FAT3: variants seen among roughly 807,000 people sequenced by gnomAD.
The protein encoded by FAT3 is protocadherin Fat 3.
Under a neutral mutation model 310.2 loss-of-function variants are expected in FAT3, and 95 were observed. The ratio of observed to expected loss-of-function variants is 0.31; its 90% CI spans 0.26 to 0.36. The LOEUF (loss-of-function observed/expected upper bound fraction) is 0.36. Ranked by LOEUF, FAT3 falls within the 10% of genes least tolerant of loss-of-function variation. FAT3 has a pLI of 1.00. For synonymous variants in FAT3, 2,314 were observed against 2,192.9 expected (o/e 1.06, Z -1.54); for missense variants, 5,408 against 5,715.6 (o/e 0.95, Z 1.74).
intron 1 of FAT3, among the ~76,000 whole-genome samples, chr11:92,260,468 T>G (rs2134304229): frequency 6.6e-6 from 1 of 152,234 alleles, no homozygotes; most frequent in South Asian, 2.1e-4. Context: ...ATAGCTGGAC[T>G]TACATCCCTT....
At chr11:92,749,109 A>C (rs562808185) in intron 4 of FAT3, 7 of 152,286 alleles carry the variant, frequency 4.6e-5, no homozygotes, top group Admixed American at 1.3e-4. Context: ...CCTTTTTACT[A>C]TCTTGAAAGG....
At chr11:92,865,752 G>A (rs1949228631) in intron 21 of FAT3, among the ~76,000 whole-genome samples, 1 of 152,220 alleles carries the variant, frequency 6.6e-6, no homozygotes, top group South Asian at 2.1e-4. Flanking sequence ...CAGCAGTTGA[G>A]CCTGGGGCTC....
rs550199395 is a variant in FAT3 at position 92,511,553 on chromosome 11, C to T, written c.3293-13081C>T. 1.2e-4 allele frequency among the ~76,000 whole-genome samples: 18 copies of T among 152,228 alleles called. No homozygotes were observed. The South Asian group carries it at 3.7e-3, about 32-fold the overall frequency. On this transcript the variant is annotated intron_variant, in intron 2 of 27. Transcript: ENST00000525166. ...CATCATAGGATAGAGAAAAGCAAAT[C>T]AAAATGTTTCTTACTAGTGGGGAGC... is the stretch of plus-strand genomic sequence containing the variant.
intron 1 of FAT3, among the ~76,000 whole-genome samples, chr11:92,337,955 C>G (rs1057082555): frequency 1.3e-5 from 2 of 152,026 alleles, no homozygotes; most frequent in Non-Finnish European, 2.9e-5. Flanking sequence ...AGAGCCTCTT[C>G]TTTAGATTTT....
In FAT3 at chr11:92,892,909, T is replaced by G. The variant is rs1949947873; in HGVS notation, c.*1796T>G. 1 of 152,148 alleles carries G rather than the reference T, an allele frequency of 6.6e-6. No individual in the cohort carries two copies. Among genetic ancestry groups the G allele is most frequent in the Non-Finnish European group, 1.5e-5 (1 of 68,028 alleles). 9.4% of individuals were successfully genotyped at this position (152,148 alleles called of 1,614,324 possible). On this transcript the variant is annotated 3_prime_UTR_variant, in exon 28 of 28. Coordinates refer to ENST00000525166, the MANE Select transcript of FAT3 (RefSeq NM_001367949.2). ...TCCTCAAAACTGAAAGTTGACAGGT[T>G]GAGGGACTTTCCTTTTTTGCTTCAA...
chr11:92,409,234 A>G (rs930849040), intron 2 of FAT3, among the ~76,000 whole-genome samples: 3 of 151,724 alleles, frequency 2.0e-5, no homozygotes, highest in Non-Finnish European at 4.4e-5. Flanking sequence ...ACCTGAATCA[A>G]TGAAGCTTTC....
chr11:92,886,650 A>G (rs942022870), intron 24 of FAT3, among the ~76,000 whole-genome samples: 1 of 152,176 alleles, frequency 6.6e-6, no homozygotes, highest in Non-Finnish European at 1.5e-5. Flanking sequence ...AGTTCATGTA[A>G]ATGATGTAAA....
chr11:92,517,924 C>T (rs1425326684), intron 2 of FAT3, among the ~76,000 whole-genome samples: 2 of 152,116 alleles, frequency 1.3e-5, no homozygotes, highest in Non-Finnish European at 2.9e-5. Flanking sequence ...CAATGAGATA[C>T]AGTCTCACAC....
rs145484176 is a variant in FAT3, at chr11:92,478,889, T to C, written c.3293-45745T>C. On this transcript the variant is annotated intron_variant, in intron 2 of 27. Coordinates refer to ENST00000525166, the MANE Select transcript of FAT3 (RefSeq NM_001367949.2). The stretch of plus-strand genomic sequence containing the variant: ...CCTTGGCCTCCCAAAGTGCAGGGAC[T>C]ACAGGCATGAGCTACTGCGCCTGGC... 9.1e-4 allele frequency among the ~76,000 whole-genome samples: 139 copies of C among 152,164 alleles called. 1 individual carries two copies. The highest frequency in any genetic ancestry group is 3.1e-3 in the African/African-American group (128 of 41,512).
At chr11:92,419,027 G>C (rs1384820104) in intron 2 of FAT3, among the ~76,000 whole-genome samples, 1 of 152,064 alleles carries the variant, frequency 6.6e-6, no homozygotes, top group Non-Finnish European at 1.5e-5. Flanking sequence ...TTTTCAAAAG[G>C]AACTTCAGTG....
intron 4 of FAT3, among the ~76,000 whole-genome samples, chr11:92,699,005 A>G (rs1264661649): frequency 2.0e-5 from 3 of 152,194 alleles, no homozygotes; most frequent in African/African-American, 7.2e-5. Flanking sequence ...CACAGGACGG[A>G]TCTATAGCAG....
intron 2 of FAT3, among the ~76,000 whole-genome samples, chr11:92,516,182 C>G (rs941042447): frequency 1.3e-5 from 2 of 151,840 alleles, no homozygotes; most frequent in Non-Finnish European, 2.9e-5. Flanking sequence ...AGAGACACAA[C>G]AAAAAAAGAA....
At chr11:92,813,007 C>CAAA (rs1257919572) in intron 13 of FAT3, among the ~76,000 whole-genome samples, 19 of 152,080 alleles carry the variant, frequency 1.2e-4, no homozygotes, top group African/African-American at 4.1e-4. Context: ...GGGGCTTTTC[C>CAAA]CCCTTTTGTT....
intron 1 of FAT3, among the ~76,000 whole-genome samples, chr11:92,298,995 A>G (rs1946923185): frequency 6.6e-6 from 1 of 152,088 alleles, no homozygotes; most frequent in Non-Finnish European, 1.5e-5. Flanking sequence ...CTGGTTGGCA[A>G]AACATTTCAT....
At chr11:92,757,489 G>A (rs931774565) in intron 4 of FAT3, among the ~76,000 whole-genome samples, 1 of 152,106 alleles carries the variant, frequency 6.6e-6, no homozygotes, top group Non-Finnish European at 1.5e-5. Context: ...AGCTAGTTTT[G>A]CTTTGATCTT....
At chr11:92,642,354 C>T (rs980136408) in intron 3 of FAT3, among the ~76,000 whole-genome samples, 5 of 152,172 alleles carry the variant, frequency 3.3e-5, no homozygotes, top group African/African-American at 1.2e-4. Context: ...AGTAAGCTGG[C>T]AGGATGAATC....
At chr11:92,518,445 A>T (rs545861732) in intron 2 of FAT3, among the ~76,000 whole-genome samples, 3 of 152,184 alleles carry the variant, frequency 2.0e-5, no homozygotes, top group South Asian at 4.1e-4. Flanking sequence ...CTCACTCATA[A>T]GTGGGAATTG....
chr11:92,805,386 T>G, intron 11 of FAT3, 37 bp downstream of exon 11: 2 of 1,559,908 alleles, frequency 1.3e-6, no homozygotes, highest in Non-Finnish European at 1.7e-6. Context: ...TTTACTCTGC[T>G]TCTCCAAAAT....
At chr11:92,527,263 G>C (rs1161762464) in intron 3 of FAT3, among the ~76,000 whole-genome samples, 2 of 152,152 alleles carry the variant, frequency 1.3e-5, no homozygotes, top group African/African-American at 4.8e-5. Context: ...GAACTTACCA[G>C]CTTCATGACC....
Sources: gnomAD v4.1 joint callset for allele counts (sites outside exome capture counted in the v4.1 genomes callset) on GRCh38, gnomAD v4.1.1 for gene constraint, MANE v1.5 for transcripts, NCBI Gene and HGNC (gene_info 2026-07-23, HGNC 2026-07-21) for gene names.